The following FAM117A variants were observed in gnomAD, a reference collection of about 807,000 sequenced individuals.
The protein encoded by FAM117A is family with sequence similarity 117 member A, also known as protein FAM117A.
Under a neutral mutation model 44.1 loss-of-function variants are expected in FAM117A, and 21 were observed. That is an observed-to-expected ratio of 0.48 (90% CI 0.34 to 0.69). FAM117A has a LOEUF of 0.69. Among genes scored for constraint, FAM117A ranks in the 30% least tolerant of loss-of-function variants. FAM117A has a pLI of 0.01. For synonymous variants in FAM117A, 220 were observed against 238.3 expected, an observed-to-expected ratio of 0.92 and a Z score of 0.71; for missense variants, 498 against 589.9, an observed-to-expected ratio of 0.84 and a Z score of 1.61.
At chr17:49,748,043 G>C (rs2073660481) in intron 1 of FAM117A, among the ~76,000 whole-genome samples, 1 of 152,198 alleles carries the variant, frequency 6.6e-6, no homozygotes, top group Non-Finnish European at 1.5e-5. Flanking sequence ...GGATACTTAT[G>C]AGGTCGCCTC....
upstream of FAM117A, chr17:49,788,762 G>C: frequency 6.6e-7 from 1 of 1,524,268 alleles, no homozygotes; most frequent in Non-Finnish European, 8.9e-7. Context: ...CCGCCACGGA[G>C]CCCGCCGGAG....
At chr17:49,770,982 GAATC>G (rs2073759403) in intron 1 of FAM117A, among the ~76,000 whole-genome samples, 1 of 152,130 alleles carries the variant, frequency 6.6e-6, no homozygotes, top group South Asian at 2.1e-4. Flanking sequence ...CAAGGTGGGT[GAATC>G]ACTTGAGGTC....
intron 1 of FAM117A, among the ~76,000 whole-genome samples, chr17:49,755,856 C>T (rs751630495): frequency 2.0e-5 from 3 of 152,156 alleles, no homozygotes; most frequent in African/African-American, 7.2e-5. Context: ...ACTCTGCTGC[C>T]TTCCCAGCAA....
In FAM117A at chr17:49,719,763, C is replaced by G. The variant is rs1354464214; in HGVS notation, c.705G>C (p.Leu235=). The change falls in exon 5 of 8, where the codon CTG becomes CTC. Residue 235 remains leucine (L), a synonymous_variant. Coordinates refer to ENST00000240364, the MANE Select transcript of FAM117A (RefSeq NM_030802.4). ...FVKEQGEEEL[L]RILDIPDGHR... ...TCAGGGTGCAGCCGCCACTCACCCT[C>G]AGCAGCTCCTCTTCTCCCTGCTCCT... 1 of 1,580,012 alleles carries G rather than the reference C, an allele frequency of 6.3e-7. No homozygotes were observed. Among genetic ancestry groups the G allele is most frequent in the Middle Eastern group, 1.7e-4 (1 of 5,910 alleles).
At chr17:49,759,637 C>T (rs2073714819) in intron 1 of FAM117A, among the ~76,000 whole-genome samples, 1 of 152,198 alleles carries the variant, frequency 6.6e-6, no homozygotes, top group Admixed American at 6.5e-5. Flanking sequence ...GACCAGTTTG[C>T]TGAGGGCTTT....
intron 1 of FAM117A, among the ~76,000 whole-genome samples, chr17:49,740,174 G>A (rs2073627217): frequency 6.6e-6 from 1 of 152,114 alleles, no homozygotes; most frequent in South Asian, 2.1e-4. Context: ...GCACACAAAC[G>A]GCAGATAAGA....
intron 2 of FAM117A, among the ~76,000 whole-genome samples, chr17:49,729,786 G>A (rs1358134322): frequency 1.3e-5 from 2 of 152,076 alleles, no homozygotes; most frequent in Non-Finnish European, 1.5e-5. Context: ...TTACAGGCGT[G>A]AGCCACCATG....
chr17:49,725,653 C>A (rs1388107606), intron 2 of FAM117A, among the ~76,000 whole-genome samples: 3 of 152,142 alleles, frequency 2.0e-5, no homozygotes, highest in African/African-American at 7.2e-5. Context: ...ATGAGCCTGG[C>A]ATGTTTGAGA....
chr17:49,788,816 C>G (rs759127466), upstream of FAM117A: 10 of 1,581,664 alleles, frequency 6.3e-6, no homozygotes, highest in Non-Finnish European at 6.9e-6. Flanking sequence ...TCGGAACCGT[C>G]GGGCCGCAGC....
intron 1 of FAM117A, among the ~76,000 whole-genome samples, chr17:49,785,415 C>T (rs1031089073): frequency 6.6e-6 from 1 of 151,996 alleles, no homozygotes; most frequent in African/African-American, 2.4e-5. Flanking sequence ...GGGAGGCTGA[C>T]GTGGGAGGAT....
At chr17:49,775,566 T>G (rs1173576069) in intron 1 of FAM117A, among the ~76,000 whole-genome samples, 2 of 152,180 alleles carry the variant, frequency 1.3e-5, no homozygotes, top group Non-Finnish European at 2.9e-5. Context: ...CTGCTGTGCA[T>G]GGTTGAAGGT....
upstream of FAM117A, chr17:49,788,870 G>C (rs373968364): frequency 2.0e-5 from 32 of 1,580,360 alleles, no homozygotes; most frequent in African/African-American, 4.4e-4. Context: ...GGAGAGGAGG[G>C]ATGGCGGGTT....
chr17:49,724,542 A>C (rs2073550513), intron 2 of FAM117A: 1 of 454,056 alleles, frequency 2.2e-6, no homozygotes, highest in Admixed American at 2.4e-5. Context: ...GGACTTAAAA[A>C]GGATGTGAGG....
At position 49,716,212 on chromosome 17, in the gene FAM117A, C is replaced by A; in HGVS notation, c.1014G>T (p.Arg338=). The A allele has an allele frequency of 6.2e-7, 1 of 1,613,766 alleles. No homozygotes were observed. The highest frequency in any genetic ancestry group is 8.5e-7 in the Non-Finnish European group (1 of 1,179,922). The change falls in exon 7 of 8, where the codon CGG becomes CGT. Residue 338 remains arginine (R), a synonymous_variant. Transcript: ENST00000240364. Reference sequence around the variant, plus strand: ...CTTTCTCACAGCCTTCTGGGGGCTCCCGTTTGAAGATGTAGCTATGATTAG... The same window carrying A: ...CTTTCTCACAGCCTTCTGGGGGCTCACGTTTGAAGATGTAGCTATGATTAG... ...PRPNHSYIFK[R]EPPEGCEKVR... is the part of the protein sequence containing the mutation.
At chr17:49,770,928 T>C (rs1361696820) in intron 1 of FAM117A, among the ~76,000 whole-genome samples, 2 of 149,678 alleles carry the variant, frequency 1.3e-5, no homozygotes, top group Non-Finnish European at 3.0e-5. Context: ...AAAAATAGGC[T>C]GGGCATGGTG....
intron 1 of FAM117A, among the ~76,000 whole-genome samples, chr17:49,744,856 A>C (rs888592235): frequency 6.6e-6 from 1 of 151,398 alleles, no homozygotes; most frequent in African/African-American, 2.4e-5. Flanking sequence ...TCTACAAAAA[A>C]TTTAAACAAT....
chr17:49,751,039 G>C (rs1045855254), intron 1 of FAM117A, among the ~76,000 whole-genome samples: 1 of 152,048 alleles, frequency 6.6e-6, no homozygotes, highest in Non-Finnish European at 1.5e-5. Flanking sequence ...CAGCACTTTG[G>C]GGGGCCGAGG....
In FAM117A at chr17:49,732,623, G is replaced by A. The variant is rs1448674396; in HGVS notation, c.294C>T (p.Ser98=). The A allele has an allele frequency of 1.1e-5, 17 of 1,614,046 alleles. No homozygotes were observed. The highest frequency in any genetic ancestry group is 1.4e-5 in the Non-Finnish European group (17 of 1,180,026). ...RTFSLDTILS[S]YLLGQWPRDA... is the part of the protein sequence containing the mutation. ...CTCGTGGCCACTGGCCCAGAAGGTA[G>A]GAGCTGAGGATGGTGTCCAGGGAGA... The change falls in exon 2 of 8, where the codon TCC becomes TCT. Residue 98 remains serine, a synonymous_variant. Transcript: ENST00000240364.
chr17:49,752,360 C>T (rs919250344), intron 1 of FAM117A, among the ~76,000 whole-genome samples: 1 of 152,178 alleles, frequency 6.6e-6, no homozygotes, highest in African/African-American at 2.4e-5. Flanking sequence ...CTGCGCCCCC[C>T]AGGCTTCTTT....
Sources: gnomAD v4.1 joint callset for allele counts (sites outside exome capture counted in the v4.1 genomes callset) on GRCh38, gnomAD v4.1.1 for gene constraint, MANE v1.5 for transcripts, NCBI Gene and HGNC (gene_info 2026-07-23, HGNC 2026-07-21) for gene names.